MFSD6: variants seen among roughly 807,000 people sequenced by gnomAD.
The protein encoded by MFSD6 is major facilitator superfamily domain containing 6.
Under a neutral mutation model 56.3 loss-of-function variants are expected in MFSD6, and 26 were observed. That is an observed-to-expected ratio of 0.46 (90% CI 0.34 to 0.64). MFSD6 has a LOEUF of 0.64. MFSD6 is among the 30% of genes least tolerant of loss of function. MFSD6 has a pLI of 0.01. For synonymous variants in MFSD6, 331 were observed against 366.9 expected (o/e 0.90, Z 1.12); for missense variants, 750 against 986.2 (o/e 0.76, Z 3.21).
intron 4 of MFSD6, among the ~76,000 whole-genome samples, chr2:190,470,491 T>C (rs1687856267): frequency 6.6e-6 from 1 of 152,186 alleles, no homozygotes; most frequent in South Asian, 2.1e-4. Context: ...CTCATTGCCA[T>C]GTTAGCTCAT....
rs543570075 is a variant in MFSD6 at position 190,437,260 on chromosome 2, G to A, written c.1231G>A (p.Val411Met). The change falls in exon 3 of 8, where the codon GTG becomes ATG. Residue 411 changes from valine to methionine, a missense_variant. Val to Met is a conservative substitution (Grantham distance 21). Around this residue, in one of 5 missense-constraint regions of MFSD6, gnomAD observed 376 missense variants for 437.9 expected, o/e 0.86. Coordinates refer to ENST00000392328, the MANE Select transcript of MFSD6 (RefSeq NM_017694.4). The surrounding 1 kb of genome is among the most constrained non-coding windows in gnomAD (Gnocchi z 5.9). ...AGGGAAAGAGGTGGAGATCCCGCAG[G>A]TGGAAAGGAACAACTCTACAGAGTC... ...SKGKEVEIPQVERNNSTESSE... is the reference protein window; with the variant it reads ...SKGKEVEIPQMERNNSTESSE... 50 of 1,614,204 alleles carry A rather than the reference G, an allele frequency of 3.1e-5. No homozygotes were observed. The South Asian group carries it at 4.2e-4, about 13-fold the overall frequency.
chr2:190,416,155 A>G lies in MFSD6; in HGVS notation c.-54+742A>G, dbSNP rs115301492. On this transcript the variant is annotated intron_variant, in intron 2 of 7. Transcript: ENST00000392328. The surrounding 1 kb of genome is among the most constrained non-coding windows in gnomAD (Gnocchi z 4.1). ...GTAGGAATCTGCTTCATGATGGCTG[A>G]TAAGGTCTGAGGAACCTAAATTATA... Among the ~76,000 whole-genome samples, 800 of 152,332 alleles carry G rather than the reference A, an allele frequency of 5.3e-3. 1 individual carries two copies. Among genetic ancestry groups the G allele is most frequent in the Non-Finnish European group, 7.8e-3 (528 of 68,020 alleles).
chr2:190,497,825 C>A lies in MFSD6; in HGVS notation c.2172+106C>A. 7.5e-7 allele frequency: 1 copy of A among 1,331,612 alleles called. No homozygotes were observed. The highest frequency in any genetic ancestry group is 2.3e-5 in the East Asian group (1 of 42,666). The allele number at this position is 1,331,612 out of a possible 1,614,324, so 82.5% of individuals were successfully genotyped here. On this transcript the variant is annotated intron_variant, in intron 7 of 7. Coordinates refer to ENST00000392328, the MANE Select transcript of MFSD6 (RefSeq NM_017694.4). The surrounding 1 kb of genome is among the most constrained non-coding windows in gnomAD (Gnocchi z 5.2). ...TCATTCAACAAGATTTATTGAAAGT[C>A]TGGTGGGGGAAATAGACATGCAAAC...
intron 3 of MFSD6, among the ~76,000 whole-genome samples, chr2:190,450,356 TGAA>T (rs534759227): frequency 3.2e-4 from 49 of 152,268 alleles, no homozygotes; most frequent in African/African-American, 1.2e-3. Context: ...CTTTCCAACT[TGAA>T]GAAGTAACAA....
intron 4 of MFSD6, among the ~76,000 whole-genome samples, chr2:190,477,563 C>T (rs1430470572): frequency 2.0e-5 from 3 of 152,062 alleles, no homozygotes; most frequent in Non-Finnish European, 4.4e-5. Context: ...AAAACAAATG[C>T]TGTGTGAATT....
rs529281743 is a variant in MFSD6 at position 190,455,672 on chromosome 2, G to A, written c.1533-14086G>A. Reference sequence around the variant, plus strand: ...AGTGGAAAAAAATGCTTAAAAATTGGAGAACATTATAGAATTGTTAGTATG... The same window carrying A: ...AGTGGAAAAAAATGCTTAAAAATTGAAGAACATTATAGAATTGTTAGTATG... On this transcript the variant is annotated intron_variant, in intron 3 of 7. Coordinates refer to ENST00000392328, the MANE Select transcript of MFSD6 (RefSeq NM_017694.4). 3.9e-5 allele frequency among the ~76,000 whole-genome samples: 6 copies of A among 152,202 alleles called. No individual in the cohort carries two copies. The East Asian group carries it at 1.2e-3, about 29-fold the overall frequency.
At chr2:190,408,778 A>G (rs1293149371) in intron 1 of MFSD6, among the ~76,000 whole-genome samples, 1 of 143,708 alleles carries the variant, frequency 7.0e-6, no homozygotes, top group Non-Finnish European at 1.5e-5. Context: ...CTGCGCCCCC[A>G]GCGCGCCCCG....
intron 2 of MFSD6, 47 bp from the exon 3 acceptor site, chr2:190,435,928 CAT>C (rs1686161071): frequency 1.4e-6 from 2 of 1,407,948 alleles, no homozygotes; most frequent in Non-Finnish European, 1.9e-6. Flanking sequence ...TCTGTGTTTA[CAT>C]GTTATGATTT....
intron 1 of MFSD6, chr2:190,411,231 C>A: frequency 1.6e-6 from 1 of 645,136 alleles, no homozygotes; most frequent in Non-Finnish European, 1.9e-6. Context: ...TCGATCTCGG[C>A]CTACTGCAAC....
rs750702258 is a variant in MFSD6, at chr2:190,497,706, T to C, written c.2159T>C (p.Ile720Thr). ...QLTRDNRASE[I>T]QPLQGTNENR... ...ACAAGAGACAACCGTGCTTCTGAGA[T>C]ACAGCCTTTACAGGTACAGTTCCTT... Residue 720 changes from isoleucine (I) to threonine (T), a missense_variant, in exon 7 of 8, where the codon ATA (isoleucine) becomes ACA (threonine). Physicochemically the swap from Ile to Thr is moderately conservative, Grantham distance 89. This residue lies in a region of MFSD6 where 172 missense variants were observed against 203.9 expected (regional missense o/e 0.84). Coordinates refer to ENST00000392328, the MANE Select transcript of MFSD6 (RefSeq NM_017694.4). This position sits in a 1 kb window ranked among gnomAD's most constrained non-coding sequence, Gnocchi z 5.2. 6.2e-7 allele frequency: 1 copy of C among 1,613,374 alleles called. No homozygotes were observed. Among genetic ancestry groups the C allele is most frequent in the South Asian group, 1.1e-5 (1 of 91,038 alleles).
chr2:190,431,394 C>T lies in MFSD6; in HGVS notation c.-53-4583C>T, dbSNP rs1339432773. On this transcript the variant is annotated intron_variant, in intron 2 of 7. Coordinates refer to ENST00000392328, the MANE Select transcript of MFSD6 (RefSeq NM_017694.4). This position sits in a 1 kb window ranked among gnomAD's most constrained non-coding sequence, Gnocchi z 4.4. Reference sequence around the variant, plus strand: ...GTTGTAGCGAGCCGAGATCACCCCACTGCACTCCAGCCTGGGCACCATTGA... The same window carrying T: ...GTTGTAGCGAGCCGAGATCACCCCATTGCACTCCAGCCTGGGCACCATTGA... Among the ~76,000 whole-genome samples, 1 of 152,250 alleles carries T rather than the reference C, an allele frequency of 6.6e-6. No individual in the cohort carries two copies. Among genetic ancestry groups the T allele is most frequent in the African/African-American group, 2.4e-5 (1 of 41,462 alleles).
rs1242106877 is a variant in MFSD6, at chr2:190,454,462, A to G, written c.1533-15296A>G. 2 of 152,158 alleles carry G rather than the reference A, an allele frequency of 1.3e-5. No individual in the cohort carries two copies. The highest frequency in any genetic ancestry group is 2.9e-5 in the Non-Finnish European group (2 of 68,058). The allele number at this position is 152,158 out of a possible 1,614,324, so 9.4% of individuals were successfully genotyped here. On this transcript the variant is annotated intron_variant, in intron 3 of 7. Transcript: ENST00000392328. This position sits in a 1 kb window ranked among gnomAD's most constrained non-coding sequence, Gnocchi z 4.6. The stretch of plus-strand genomic sequence containing the variant: ...AGGTCATGAGAGTGGGGCCCTCATA[A>G]TGGGGTTAGTGCCCTTACAAGAATA...
At chr2:190,482,977 T>C (rs1002694639) in intron 4 of MFSD6, among the ~76,000 whole-genome samples, 28 of 138,536 alleles carry the variant, frequency 2.0e-4, no homozygotes, top group African/African-American at 5.8e-4. Context: ...CTGCAAGCTC[T>C]GCTTCCCGGG....
chr2:190,486,724 ATCTT>A (rs1447224225), intron 4 of MFSD6, among the ~76,000 whole-genome samples: 1 of 152,160 alleles, frequency 6.6e-6, no homozygotes, highest in Non-Finnish European at 1.5e-5. Flanking sequence ...AAGAATTTTG[ATCTT>A]TTAGTTTAAT....
chr2:190,482,868 CTTTTTTTTTTTTTTTTTTTTTT>C (rs199927176), intron 4 of MFSD6, among the ~76,000 whole-genome samples: 19,915 of 48,754 alleles, frequency 0.41, 2,217 homozygotes, highest in Middle Eastern at 0.49. Flanking sequence ...AGACTATCAT[CTTTTTTTTTTTTTTTTTTTTTT>C]TTTTTTTTTT....
intron 4 of MFSD6, among the ~76,000 whole-genome samples, chr2:190,483,424 T>G (rs1441146360): frequency 1.3e-5 from 2 of 152,222 alleles, no homozygotes; most frequent in African/African-American, 4.8e-5. Flanking sequence ...CTCTGTGCCT[T>G]GGTTTCCTTT....
intron 2 of MFSD6, among the ~76,000 whole-genome samples, chr2:190,430,446 G>A (rs1685932546): frequency 6.6e-6 from 1 of 151,242 alleles, no homozygotes; most frequent in Non-Finnish European, 1.5e-5. Context: ...GTTTAACAAA[G>A]CACATCTTGC....
rs2125153112 is a variant in MFSD6 at position 190,471,650 on chromosome 2, A to G, written c.1630+1795A>G. On this transcript the variant is annotated intron_variant, in intron 4 of 7. Coordinates refer to ENST00000392328, the MANE Select transcript of MFSD6 (RefSeq NM_017694.4). This position sits in a 1 kb window ranked among gnomAD's most constrained non-coding sequence, Gnocchi z 4.7. ...CTCAAGGAGGCCTGCCTGCCTCAGTAAACTCCACCTCTGGGGGCAGAGCAT... is the reference window on the plus strand; with the variant it reads ...CTCAAGGAGGCCTGCCTGCCTCAGTGAACTCCACCTCTGGGGGCAGAGCAT... 6.6e-6 allele frequency among the ~76,000 whole-genome samples: 1 copy of G among 152,344 alleles called. No individual in the cohort carries two copies. Among genetic ancestry groups the G allele is most frequent in the South Asian group, 2.1e-4 (1 of 4,828 alleles).
chr2:190,450,930 G>A (rs376054199), intron 3 of MFSD6, among the ~76,000 whole-genome samples: 1 of 152,202 alleles, frequency 6.6e-6, no homozygotes, highest in Non-Finnish European at 1.5e-5. Flanking sequence ...TGTGGTTGCT[G>A]AGTACAGTGA....
Sources: gnomAD v4.1 joint callset for allele counts (sites outside exome capture counted in the v4.1 genomes callset) on GRCh38, gnomAD v4.1.1 for gene constraint, gnomAD v4.1.1 regional missense constraint, Gnocchi (gnomAD v3.1) non-coding constraint, MANE v1.5 for transcripts, NCBI Gene and HGNC (gene_info 2026-07-23, HGNC 2026-07-21) for gene names.